Variants in CSMD1 observed in about 807,000 individuals in gnomAD.
The protein encoded by CSMD1 is CUB and Sushi multiple domains 1, also known as CUB and sushi domain-containing protein 1.
CSMD1 carries 213 observed loss-of-function variants against 417.5 expected under a neutral mutation model. The observed-to-expected ratio is 0.51, with a 90% CI of 0.46 to 0.57. CSMD1 has a LOEUF of 0.57. Ranked by LOEUF, CSMD1 falls within the 20% of genes least tolerant of loss-of-function variation. The pLI, the probability that CSMD1 is intolerant of heterozygous loss-of-function variation, is 0.00. For missense variants in CSMD1, 6,923 were observed against 4,529.7 expected (o/e 1.53, Z -15.17); for synonymous variants, 2,862 against 1,736.8 (o/e 1.65, Z -16.11).
Position 3,052,516 on chromosome 8 carries a change from C to G in CSMD1, c.7606G>C (p.Val2536Leu), listed in dbSNP as rs746219434. The G allele has an allele frequency of 2.5e-6, 4 of 1,600,874 alleles. No homozygotes were observed. The highest frequency in any genetic ancestry group is 3.4e-6 in the Non-Finnish European group (4 of 1,173,368). Residue 2536 changes from valine (V) to leucine (L), a missense_variant, in exon 50 of 70, where the codon GTG becomes CTG. Physicochemically the swap from Val to Leu is conservative, Grantham distance 32. Transcript: ENST00000635120. ...CTCCACAACCCATCTTCTTGACACA[C>G]GGCTGTTGCTTGCTGGCTGGATTCA... ...KLESSQQATA[V>L]CQEDGLWSNK... is the part of the protein sequence containing the mutation.
chr8:3,424,796 C>G (rs1469512933), intron 12 of CSMD1, among the ~76,000 whole-genome samples: 4 of 152,142 alleles, frequency 2.6e-5, no homozygotes, highest in African/African-American at 9.7e-5. Flanking sequence ...AACAATTGCC[C>G]AAGAGTAATG....
rs1418458818 is a variant in CSMD1 at position 3,893,318 on chromosome 8, AAACT to A, written c.818+104581_818+104584del. Among the ~76,000 whole-genome samples the A allele has an allele frequency of 1.2e-4, 8 of 69,446 alleles. 1 individual carries two copies. In the South Asian group the frequency reaches 3.3e-3, roughly 29 times the overall value. The allele number at this position is 69,446 out of a possible 152,430, so 45.6% of individuals were successfully genotyped here. A position where few individuals can be genotyped will look rare whatever the true frequency, so the allele number is the denominator to read the frequency against. On this transcript the variant is annotated intron_variant, in intron 5 of 69. Coordinates refer to ENST00000635120, the MANE Select transcript of CSMD1 (RefSeq NM_033225.6). ...ATTGTAAAGAAAAATTTTATGTCCC[AAACT>A]AATAATATTCACAATTTTATATATA...
chr8:2,997,948 G>T, intron 54 of CSMD1, 63 bp downstream of exon 54: 1 of 1,473,106 alleles, frequency 6.8e-7, no homozygotes, highest in Non-Finnish European at 9.3e-7. Context: ...GCTCTTGATG[G>T]TGTTACTGGG....
chr8:3,499,465 G>C (rs942117480), intron 10 of CSMD1, among the ~76,000 whole-genome samples: 1 of 152,126 alleles, frequency 6.6e-6, no homozygotes, highest in Non-Finnish European at 1.5e-5. Context: ...TCCCTGGGGA[G>C]CATGTGTGAG....
rs74746622 is a variant in CSMD1 at position 3,780,804 on chromosome 8, T to C, written c.819-26762A>G. ...TCTAAAAGAAAGTAATTCAATCAGC[T>C]GGCCCTAGTGCTTTGCCATAGAACA... On this transcript the variant is annotated intron_variant, in intron 5 of 69. Transcript: ENST00000635120. Among the ~76,000 whole-genome samples, 27 of 152,320 alleles carry C rather than the reference T, an allele frequency of 1.8e-4. 1 individual carries two copies. The East Asian group carries it at 5.2e-3, about 29-fold the overall frequency.
intron 1 of CSMD1, among the ~76,000 whole-genome samples, chr8:4,724,958 G>A (rs942014923): frequency 9.2e-5 from 14 of 151,898 alleles, no homozygotes; most frequent in Admixed American, 2.0e-4. Context: ...TAAATGATTC[G>A]AGTTTAAAAC....
intron 7 of CSMD1, among the ~76,000 whole-genome samples, chr8:3,647,159 C>G (rs1380997181): frequency 2.0e-5 from 3 of 152,170 alleles, no homozygotes; most frequent in Non-Finnish European, 4.4e-5. Flanking sequence ...GTGGATGGTC[C>G]TCCGGTGCAA....
intron 12 of CSMD1, among the ~76,000 whole-genome samples, chr8:3,429,612 G>C (rs1814085981): frequency 6.6e-6 from 1 of 152,150 alleles, no homozygotes; most frequent in Non-Finnish European, 1.5e-5. Flanking sequence ...TCTTGACGAG[G>C]GGTGGTGAAA....
At chr8:4,951,238 C>T (rs950505889) in intron 1 of CSMD1, among the ~76,000 whole-genome samples, 3 of 152,102 alleles carry the variant, frequency 2.0e-5, no homozygotes, top group Non-Finnish European at 2.9e-5. Flanking sequence ...AAGAAACTGT[C>T]TCTTTCCTGT....
intron 5 of CSMD1, among the ~76,000 whole-genome samples, chr8:3,856,490 G>A (rs1356175400): frequency 6.6e-6 from 1 of 152,132 alleles, no homozygotes; most frequent in Non-Finnish European, 1.5e-5. Context: ...AATTGGTGAG[G>A]AGGAGAACTG....
intron 11 of CSMD1, among the ~76,000 whole-genome samples, chr8:3,485,670 G>C (rs1458867007): frequency 6.6e-6 from 1 of 151,996 alleles, no homozygotes; most frequent in African/African-American, 2.4e-5. Context: ...TGAGGCATGA[G>C]AATCCCTTGA....
Position 4,428,400 on chromosome 8 carries a change from G to A in CSMD1, c.303-8335C>T, listed in dbSNP as rs575809886. Among the ~76,000 whole-genome samples the A allele has an allele frequency of 2.0e-5, 3 of 152,248 alleles. No individual in the cohort carries two copies. In the South Asian group the frequency reaches 6.2e-4, roughly 32 times the overall value. On this transcript the variant is annotated intron_variant, in intron 2 of 69. Coordinates refer to ENST00000635120, the MANE Select transcript of CSMD1 (RefSeq NM_033225.6). ...CTTGTTATCTTCCTTGTAAGCTGTA[G>A]TTCAATAGGAATACCTAAATGATTT...
At chr8:3,628,360 G>A (rs182534676) in intron 7 of CSMD1, among the ~76,000 whole-genome samples, 15 of 152,258 alleles carry the variant, frequency 9.9e-5, no homozygotes, top group East Asian at 1.9e-4. Context: ...GTGACCTCAC[G>A]CCCCTTCCTT....
intron 1 of CSMD1, among the ~76,000 whole-genome samples, chr8:4,798,701 C>T (rs970867527): frequency 1.3e-5 from 2 of 151,910 alleles, no homozygotes; most frequent in African/African-American, 4.8e-5. Context: ...CAGAAAAATA[C>T]CAATTTGTTA....
chr8:3,021,409 G>C (rs75227393), intron 51 of CSMD1, among the ~76,000 whole-genome samples: 2,950 of 152,244 alleles, frequency 0.019, 87 homozygotes, highest in African/African-American at 0.066. Flanking sequence ...GACTGAAAAG[G>C]GGAAGCCCCT....
At chr8:3,962,395 G>A (rs545058741) in intron 5 of CSMD1, among the ~76,000 whole-genome samples, 8 of 152,288 alleles carry the variant, frequency 5.3e-5, no homozygotes, top group South Asian at 2.1e-4. Flanking sequence ...TTGTCACCAC[G>A]CAGTCCTGAA....
intron 5 of CSMD1, among the ~76,000 whole-genome samples, chr8:3,847,097 A>AC (rs1444438807): frequency 2.0e-5 from 3 of 151,924 alleles, no homozygotes; most frequent in Non-Finnish European, 4.4e-5. Context: ...TCCTAAGAGG[A>AC]CCTCCATGCT....
chr8:4,306,089 A>C (rs1474812055), intron 3 of CSMD1, among the ~76,000 whole-genome samples: 1 of 152,206 alleles, frequency 6.6e-6, no homozygotes, highest in Non-Finnish European at 1.5e-5. Context: ...GAAATGTTAT[A>C]ATGAATCTTC....
intron 1 of CSMD1, among the ~76,000 whole-genome samples, chr8:4,653,569 G>C (rs1804043304): frequency 6.6e-6 from 1 of 152,052 alleles, no homozygotes; most frequent in Non-Finnish European, 1.5e-5. Flanking sequence ...AAAATGGAAA[G>C]TTTTGTGATT....
Sources: gnomAD v4.1 joint callset for allele counts (sites outside exome capture counted in the v4.1 genomes callset) on GRCh38, gnomAD v4.1.1 for gene constraint, MANE v1.5 for transcripts, NCBI Gene and HGNC (gene_info 2026-07-23, HGNC 2026-07-21) for gene names.